Variants in SNTG2 observed in about 807,000 individuals in gnomAD.
SNTG2 encodes gamma-2-syntrophin.
SNTG2 carries 74 observed loss-of-function variants against 70.9 expected under a neutral mutation model. That is an observed-to-expected ratio of 1.04 (90% CI 0.86 to 1.27). The LOEUF (loss-of-function observed/expected upper bound fraction) is 1.27, where lower values mean the gene tolerates loss of function less well. Among genes scored for constraint, SNTG2 ranks in the 50% most tolerant of loss-of-function variants. The pLI is 0.00. For synonymous variants in SNTG2, 278 were observed against 273.8 expected (o/e 1.02, Z -0.15); for missense variants, 717 against 690.7 (o/e 1.04, Z -0.43).
At chr2:1,111,393 C>T (rs1666429717) in intron 4 of SNTG2, among the ~76,000 whole-genome samples, 1 of 152,198 alleles carries the variant, frequency 6.6e-6, no homozygotes, top group Admixed American at 6.5e-5. Context: ...TACGGCCGGG[C>T]CCCTCTTACC....
chr2:1,338,822 A>G (rs13418178), intron 16 of SNTG2, among the ~76,000 whole-genome samples: 1,949 of 152,342 alleles, frequency 0.013, 43 homozygotes, highest in African/African-American at 0.043. Context: ...TAATGGTGCA[A>G]TGCACATTTA....
At chr2:1,222,095 G>GTTTCTC (rs1675176088) in intron 9 of SNTG2, among the ~76,000 whole-genome samples, 1 of 6,970 alleles carries the variant, frequency 1.4e-4, no homozygotes, top group African/African-American at 7.1e-4. Flanking sequence ...GTCTCTCTCT[G>GTTTCTC]TCTCTCTCTG....
intron 7 of SNTG2, 36 bp downstream of exon 7, chr2:1,165,671 G>A: frequency 6.5e-7 from 1 of 1,542,668 alleles, no homozygotes; most frequent in Non-Finnish European, 8.9e-7. Context: ...GGGTGCTGGA[G>A]AAATTCCTTT....
intron 2 of SNTG2, among the ~76,000 whole-genome samples, chr2:1,092,846 T>C (rs1484468234): frequency 1.3e-5 from 2 of 152,226 alleles, no homozygotes; most frequent in East Asian, 3.8e-4. Context: ...AATATAATGA[T>C]GCTGCTACCA....
chr2:1,002,061 T>C (rs1194025264), intron 1 of SNTG2, among the ~76,000 whole-genome samples: 1 of 152,120 alleles, frequency 6.6e-6, no homozygotes, highest in African/African-American at 2.4e-5. Context: ...GATAGCCATA[T>C]GCAGAAGAAT....
intron 1 of SNTG2, among the ~76,000 whole-genome samples, chr2:980,208 A>G (rs1380163310): frequency 1.3e-5 from 2 of 152,182 alleles, no homozygotes; most frequent in African/African-American, 2.4e-5. Flanking sequence ...GTCCAGGTAC[A>G]GTTGTATGTT....
At chr2:1,095,470 T>A (rs1255546621) in intron 2 of SNTG2, among the ~76,000 whole-genome samples, 2 of 152,242 alleles carry the variant, frequency 1.3e-5, no homozygotes, top group African/African-American at 4.8e-5. Context: ...AACAAGCCCT[T>A]CACATTCCAG....
intron 1 of SNTG2, among the ~76,000 whole-genome samples, chr2:960,499 CAG>C: frequency 6.6e-6 from 1 of 152,348 alleles, no homozygotes; most frequent in East Asian, 1.9e-4. Flanking sequence ...TGGATGCAGA[CAG>C]AGGACTCTGC....
At chr2:1,359,264 GT>G (rs946536746) in intron 16 of SNTG2, among the ~76,000 whole-genome samples, 6 of 152,124 alleles carry the variant, frequency 3.9e-5, no homozygotes, top group African/African-American at 1.4e-4. Flanking sequence ...TCAGGTGTGA[GT>G]TTTCTACTTG....
In SNTG2 at chr2:964,676, G is replaced by C. The variant is rs553527296; in HGVS notation, c.72+13608G>C. On this transcript the variant is annotated intron_variant, in intron 1 of 16. Coordinates refer to ENST00000308624, the MANE Select transcript of SNTG2 (RefSeq NM_018968.4). Reference sequence around the variant, plus strand: ...GTGGGGAAGAGACACTGGGTCCTTGGAAGTGCAGGGTCCTCGAGACACGGG... The same window carrying C: ...GTGGGGAAGAGACACTGGGTCCTTGCAAGTGCAGGGTCCTCGAGACACGGG... 2.5e-4 allele frequency among the ~76,000 whole-genome samples: 38 copies of C among 152,276 alleles called. No homozygotes were observed. In the East Asian group the frequency reaches 7.2e-3, roughly 29 times the overall value.
chr2:1,264,139 A>G (rs970109926), intron 13 of SNTG2, among the ~76,000 whole-genome samples: 6 of 152,338 alleles, frequency 3.9e-5, no homozygotes, highest in African/African-American at 1.4e-4. Context: ...AAAGTTAGAG[A>G]TGTCGTGAAT....
intron 6 of SNTG2, among the ~76,000 whole-genome samples, chr2:1,138,238 G>A (rs1235439501): frequency 6.6e-6 from 1 of 152,218 alleles, no homozygotes; most frequent in African/African-American, 2.4e-5. Flanking sequence ...GCTGGCAGCA[G>A]CACACGTGCA....
chr2:1,036,190 G>A (rs1229125460), intron 1 of SNTG2, among the ~76,000 whole-genome samples: 1 of 152,090 alleles, frequency 6.6e-6, no homozygotes, highest in African/African-American at 2.4e-5. Flanking sequence ...TGTACTTGTA[G>A]ATTATATTTT....
chr2:1,257,429 C>A (rs886697959), intron 12 of SNTG2, among the ~76,000 whole-genome samples: 2 of 152,076 alleles, frequency 1.3e-5, no homozygotes, highest in Non-Finnish European at 2.9e-5. Flanking sequence ...GAGGAATAAA[C>A]GAGTAGGAGG....
intron 6 of SNTG2, among the ~76,000 whole-genome samples, chr2:1,159,617 A>C (rs76459497): frequency 0.019 from 2,852 of 152,312 alleles, 92 homozygotes; most frequent in African/African-American, 0.065. Flanking sequence ...AGATATGTTT[A>C]TTAGAAAACA....
chr2:1,047,666 T>C (rs4246558), intron 1 of SNTG2, among the ~76,000 whole-genome samples: 128,255 of 152,206 alleles, frequency 0.84, 54,442 homozygotes, highest in Middle Eastern at 0.89. Flanking sequence ...GGCTGCAATC[T>C]AGTAGGTGGT....
At chr2:1,116,970 T>TGCCTGGCGTGTGGGG (rs1302379609) in intron 4 of SNTG2, among the ~76,000 whole-genome samples, 1 of 139,172 alleles carries the variant, frequency 7.2e-6, no homozygotes, top group African/African-American at 2.8e-5. Flanking sequence ...GGCGTGTGGG[T>TGCCTGGCGTGTGGGG]GCTCTGGCAT....
intron 9 of SNTG2, among the ~76,000 whole-genome samples, chr2:1,212,882 G>A (rs1416892245): frequency 6.6e-6 from 1 of 152,180 alleles, no homozygotes; most frequent in Non-Finnish European, 1.5e-5. Context: ...AATAAGTTTA[G>A]AAATTGTCAA....
At chr2:966,546 T>C (rs1660575339) in intron 1 of SNTG2, among the ~76,000 whole-genome samples, 1 of 152,200 alleles carries the variant, frequency 6.6e-6, no homozygotes, top group Non-Finnish European at 1.5e-5. Context: ...AAGAGAAAAA[T>C]ACTTCTGACT....
Sources: allele counts gnomAD v4.1 joint callset (sites outside exome capture counted in the v4.1 genomes callset), GRCh38; gene constraint gnomAD v4.1.1; transcripts MANE v1.5; gene names NCBI Gene and HGNC (gene_info 2026-07-23, HGNC 2026-07-21).